The following MYO1E variants were observed in gnomAD, a reference collection of about 807,000 sequenced individuals.
MYO1E encodes myosin IE.
In MYO1E, 68 loss-of-function variants were observed where a neutral mutation model predicts 151.1. That is an observed-to-expected ratio of 0.45 (90% confidence interval 0.37 to 0.55). The LOEUF is 0.55. MYO1E is among the 20% of genes least tolerant of loss of function. The pLI is 0.00. For synonymous variants in MYO1E, 601 were observed against 501.7 expected, an observed-to-expected ratio of 1.20 and a Z score of -2.64; for missense variants, 1,363 against 1,389.3, an observed-to-expected ratio of 0.98 and a Z score of 0.30.
chr15:59,335,050 A>C (rs2080720044), intron 1 of MYO1E, among the ~76,000 whole-genome samples: 1 of 152,212 alleles, frequency 6.6e-6, no homozygotes, highest in Non-Finnish European at 1.5e-5. Context: ...AAGATTTAAC[A>C]CAAAGATTGT....
At position 59,192,183 on chromosome 15, in the gene MYO1E, G is replaced by A. The variant is rs532582517; in HGVS notation, c.1805+3278C>T. Among the ~76,000 whole-genome samples the A allele has an allele frequency of 2.0e-4, 31 of 151,278 alleles. No homozygotes were observed. In the South Asian group the frequency reaches 3.7e-3, roughly 18 times the overall value. ...GATTAAGGGTGGAATCCCAGAAAGC[G>A]GTCTTACTGGAATTATAAATCAACG... is the stretch of plus-strand genomic sequence containing the variant. On this transcript the variant is annotated intron_variant, in intron 17 of 27. Transcript: ENST00000288235.
chr15:59,145,512 G>A (rs538921989), intron 26 of MYO1E, among the ~76,000 whole-genome samples: 8 of 152,144 alleles, frequency 5.3e-5, no homozygotes, highest in East Asian at 3.9e-4. Flanking sequence ...TCAGCCTCCC[G>A]AGTAGCTGGG....
chr15:59,210,492 G>A, intron 13 of MYO1E, 22 bp downstream of exon 13: 1 of 1,472,900 alleles, frequency 6.8e-7, no homozygotes, highest in Non-Finnish European at 9.5e-7. Flanking sequence ...GCAGTGAAAA[G>A]ACATACTAAA....
chr15:59,268,718 G>GTGTTTTTTTTTTTTTTTTTTTTTTTTTTT (rs1452818863), intron 2 of MYO1E, among the ~76,000 whole-genome samples: 1 of 12,044 alleles, frequency 8.3e-5, no homozygotes, highest in African/African-American at 1.4e-4. Flanking sequence ...GGTGACTTTG[G>GTGTTTTTTTTTTTTTTTTTTTTTTTTTTT]TATTTTTTTT....
In MYO1E at chr15:59,153,036, A is replaced by G. The variant is rs369297077; in HGVS notation, c.3080+554T>C. ...TTTTAAAACTGATAGCTCTTTTAAT[A>G]TCTACACAGAGTTTCAGGAATCTTC... On this transcript the variant is annotated intron_variant, in intron 26 of 27. Transcript: ENST00000288235. 5.9e-4 allele frequency among the ~76,000 whole-genome samples: 90 copies of G among 152,328 alleles called. No homozygotes were observed. The Middle Eastern group carries it at 0.027, about 46-fold the overall frequency.
chr15:59,164,387 T>A (rs1190533742), intron 22 of MYO1E, among the ~76,000 whole-genome samples: 1 of 152,220 alleles, frequency 6.6e-6, no homozygotes, highest in African/African-American at 2.4e-5. Context: ...CAAACCTGCT[T>A]CAGTGAATTG....
intron 1 of MYO1E, among the ~76,000 whole-genome samples, chr15:59,288,508 A>T (rs1460149723): frequency 1.3e-5 from 2 of 152,182 alleles, no homozygotes; most frequent in African/African-American, 4.8e-5. Flanking sequence ...ATTAAAAGAG[A>T]TAACGCACAG....
At chr15:59,223,246 C>T (rs925321734) in intron 8 of MYO1E, 55 bp from the exon 9 acceptor site, 10 of 1,610,658 alleles carry the variant, frequency 6.2e-6, no homozygotes, top group African/African-American at 5.4e-5. Context: ...TTTAAAAGCA[C>T]CTTAGGAAGA....
At chr15:59,232,101 G>T (rs1390117384) in intron 5 of MYO1E, among the ~76,000 whole-genome samples, 1 of 152,126 alleles carries the variant, frequency 6.6e-6, no homozygotes, top group South Asian at 2.1e-4. Flanking sequence ...TTCACCAAAA[G>T]TGAAGTGGTA....
Position 59,159,415 on chromosome 15 carries a change from C to G in MYO1E, c.2786-1036G>C, listed in dbSNP as rs2140309758. ...GTCTGAGTCCTGTGGACAGCCAGGC[C>G]TCTGCCTTCCAGTGGGGTGAGGCCT... is the stretch of plus-strand genomic sequence containing the variant. On this transcript the variant is annotated intron_variant, in intron 24 of 27. Transcript: ENST00000288235. The surrounding 1 kb of genome is among the most constrained non-coding windows in gnomAD (Gnocchi z 4.4). Among the ~76,000 whole-genome samples, 1 of 152,356 alleles carries G rather than the reference C, an allele frequency of 6.6e-6. No homozygotes were observed. The highest frequency in any genetic ancestry group is 2.1e-4 in the South Asian group (1 of 4,830).
chr15:59,281,359 T>C (rs1020200364), intron 1 of MYO1E, among the ~76,000 whole-genome samples: 2 of 151,480 alleles, frequency 1.3e-5, no homozygotes. Context: ...CACTGCAACC[T>C]CCACCTCCCT....
intron 17 of MYO1E, among the ~76,000 whole-genome samples, chr15:59,194,336 G>A (rs550194363): frequency 8.7e-4 from 133 of 152,240 alleles, no homozygotes; most frequent in African/African-American, 2.8e-3. Context: ...TAAATAGAAC[G>A]AACTTTCAGA....
At chr15:59,316,374 A>G (rs2080588989) in intron 1 of MYO1E, among the ~76,000 whole-genome samples, 1 of 152,146 alleles carries the variant, frequency 6.6e-6, no homozygotes, top group Non-Finnish European at 1.5e-5. Flanking sequence ...CATTACAAAG[A>G]GAATAGGGTC....
chr15:59,213,728 T>A (rs1010467599), intron 12 of MYO1E, among the ~76,000 whole-genome samples: 19 of 151,840 alleles, frequency 1.3e-4, no homozygotes, highest in Middle Eastern at 6.8e-3. Flanking sequence ...CCCAAAGTGC[T>A]AGGATTACAG....
chr15:59,295,608 G>T (rs2080444056), intron 1 of MYO1E, among the ~76,000 whole-genome samples: 2 of 152,154 alleles, frequency 1.3e-5, no homozygotes, highest in Non-Finnish European at 2.9e-5. Flanking sequence ...TCCAGCGAGA[G>T]AAAATAATGC....
intron 16 of MYO1E, among the ~76,000 whole-genome samples, chr15:59,196,486 G>C (rs1342584741): frequency 6.6e-6 from 1 of 152,064 alleles, no homozygotes; most frequent in Non-Finnish European, 1.5e-5. Context: ...CCTAAAGAGA[G>C]AAAACCTCTA....
At chr15:59,340,213 A>C (rs1364794179) in intron 1 of MYO1E, among the ~76,000 whole-genome samples, 5 of 152,060 alleles carry the variant, frequency 3.3e-5, no homozygotes, top group African/African-American at 1.2e-4. Flanking sequence ...ATAATCGAGA[A>C]GCATGAGGAT....
At chr15:59,293,982 C>T (rs1221478741) in intron 1 of MYO1E, among the ~76,000 whole-genome samples, 1 of 152,170 alleles carries the variant, frequency 6.6e-6, no homozygotes, top group African/African-American at 2.4e-5. Context: ...GTCAAAGCTG[C>T]AGTGAGCCAT....
At chr15:59,222,839 G>A (rs756562726) in intron 9 of MYO1E, among the ~76,000 whole-genome samples, 4 of 152,148 alleles carry the variant, frequency 2.6e-5, no homozygotes, top group Non-Finnish European at 1.5e-5. Flanking sequence ...ATTAATAATC[G>A]ATGGTGTGGG....
Sources: allele counts gnomAD v4.1 joint callset (sites outside exome capture counted in the v4.1 genomes callset), GRCh38; gene constraint gnomAD v4.1.1; non-coding constraint Gnocchi (gnomAD v3.1); transcripts MANE v1.5; gene names NCBI Gene and HGNC (gene_info 2026-07-23, HGNC 2026-07-21).